PLCH1: variants seen among roughly 807,000 people sequenced by gnomAD.
PLCH1 encodes phospholipase C eta 1, also known as 1-phosphatidylinositol 4,5-bisphosphate phosphodiesterase eta-1.
In PLCH1, 60 loss-of-function variants were observed where a neutral mutation model predicts 126.7. That is an observed-to-expected ratio of 0.47 (90% CI 0.38 to 0.59). The LOEUF (loss-of-function observed/expected upper bound fraction) is 0.59. Among genes scored for constraint, PLCH1 ranks in the 20% least tolerant of loss-of-function variants. The pLI is 0.00. For missense variants in PLCH1, 1,723 were observed against 2,040.0 expected (o/e 0.84, Z 2.99); for synonymous variants, 719 against 734.9 (o/e 0.98, Z 0.35).
chr3:155,596,188 G>T, intron 3 of PLCH1, 44 bp downstream of exon 3: 1 of 1,512,098 alleles, frequency 6.6e-7, no homozygotes, highest in Non-Finnish European at 9.1e-7. Flanking sequence ...TAACCCGTGT[G>T]TTACTATGTC....
At chr3:155,656,385 T>C (rs1004214834) in intron 2 of PLCH1, among the ~76,000 whole-genome samples, 5 of 152,212 alleles carry the variant, frequency 3.3e-5, no homozygotes, top group African/African-American at 1.2e-4. Flanking sequence ...CTCAAAACTA[T>C]ATACAACCCT....
intron 1 of PLCH1, among the ~76,000 whole-genome samples, chr3:155,710,418 A>C (rs1747016149): frequency 6.6e-6 from 1 of 152,228 alleles, no homozygotes; most frequent in South Asian, 2.1e-4. Context: ...AAAATTTTTA[A>C]TTTTAATAAA....
intron 11 of PLCH1, among the ~76,000 whole-genome samples, chr3:155,519,369 C>G (rs1251142752): frequency 6.6e-6 from 1 of 152,130 alleles, no homozygotes; most frequent in Non-Finnish European, 1.5e-5. Flanking sequence ...GTTCTCAATT[C>G]CCTTTTTTGA....
At chr3:155,526,370 GCTCTCT>G (rs576894112) in intron 10 of PLCH1, among the ~76,000 whole-genome samples, 4 of 147,396 alleles carry the variant, frequency 2.7e-5, no homozygotes, top group East Asian at 3.9e-4. Flanking sequence ...CTTTCCTGGA[GCTCTCT>G]CTCTCTCTCT....
intron 2 of PLCH1, among the ~76,000 whole-genome samples, chr3:155,633,390 T>TTTCAGCA (rs535514984): frequency 2.6e-5 from 4 of 151,148 alleles, no homozygotes; most frequent in Non-Finnish European, 5.9e-5. Context: ...TCACTGTTTC[T>TTTCAGCA]TTCAGCACTT....
chr3:155,707,552 G>C (rs1486391966), intron 1 of PLCH1, among the ~76,000 whole-genome samples: 7 of 152,104 alleles, frequency 4.6e-5, no homozygotes, highest in Admixed American at 3.9e-4. Context: ...AGCCAGGCGT[G>C]GGGGTGGGCG....
intron 22 of PLCH1, among the ~76,000 whole-genome samples, chr3:155,484,995 T>C (rs182241910): frequency 6.6e-6 from 1 of 152,356 alleles, no homozygotes; most frequent in African/African-American, 2.4e-5. Context: ...GTAAGAAAAG[T>C]AATACAACTA....
chr3:155,732,516 C>G (rs1194413676), intron 1 of PLCH1, among the ~76,000 whole-genome samples: 1 of 147,556 alleles, frequency 6.8e-6, no homozygotes, highest in African/African-American at 2.5e-5. Context: ...GAAACCCAGT[C>G]TGGAAAAAAA....
intron 1 of PLCH1, chr3:155,742,295 C>T (rs905825818): frequency 2.6e-5 from 4 of 152,112 alleles, no homozygotes; most frequent in African/African-American, 9.7e-5. Flanking sequence ...ACAAGGAGCA[C>T]TTTTATCATA....
chr3:155,518,100 G>A (rs530297148), intron 11 of PLCH1, among the ~76,000 whole-genome samples: 1 of 152,194 alleles, frequency 6.6e-6, no homozygotes, highest in African/African-American at 2.4e-5. Context: ...CATCCCACGT[G>A]GGGTGGAGTA....
rs147355479 is a variant in PLCH1, at chr3:155,593,047, G to T, written c.470+894C>A. On this transcript the variant is annotated intron_variant, in intron 4 of 22. Coordinates refer to ENST00000460012, the MANE Select transcript of PLCH1 (RefSeq NM_014996.4). ...CTCTGGGTGAAGGATTATAGCCAGA[G>T]CAGCACAAATATATCACCAACCCCT... Among the ~76,000 whole-genome samples, 792 of 152,208 alleles carry T rather than the reference G, an allele frequency of 5.2e-3. 8 individuals are homozygous for T. Among genetic ancestry groups the T allele is most frequent in the African/African-American group, 0.018 (745 of 41,526 alleles).
chr3:155,659,771 T>A (rs147780829), intron 2 of PLCH1, among the ~76,000 whole-genome samples: 1 of 152,106 alleles, frequency 6.6e-6, no homozygotes, highest in East Asian at 1.9e-4. Flanking sequence ...AGGACTGGGA[T>A]TACAGGTGTG....
intron 2 of PLCH1, among the ~76,000 whole-genome samples, chr3:155,654,679 T>C (rs75796664): frequency 0.03 from 4,628 of 152,246 alleles, 204 homozygotes; most frequent in African/African-American, 0.093. Flanking sequence ...CCACTTCTCA[T>C]AACTTCCCCA....
intron 2 of PLCH1, among the ~76,000 whole-genome samples, chr3:155,612,144 T>A (rs1429384842): frequency 6.6e-6 from 1 of 151,718 alleles, no homozygotes; most frequent in Non-Finnish European, 1.5e-5. Flanking sequence ...TGGTGAAACT[T>A]CGTCTCTACT....
rs562634828 is a variant in PLCH1, at chr3:155,582,962, G to A, written c.771+510C>T. On this transcript the variant is annotated intron_variant, in intron 6 of 22. Transcript: ENST00000460012. ...CCTAATTTACTTAGCCTTTTCACAT[G>A]ATCAAATGGCAATTTACTATCAGAA... Among the ~76,000 whole-genome samples the A allele has an allele frequency of 7.1e-4, 108 of 151,828 alleles. 1 individual carries two copies. The highest frequency in any genetic ancestry group is 2.4e-3 in the African/African-American group (98 of 41,446).
chr3:155,724,676 T>G (rs1409150587), intron 1 of PLCH1, among the ~76,000 whole-genome samples: 1 of 152,158 alleles, frequency 6.6e-6, no homozygotes, highest in Non-Finnish European at 1.5e-5. Flanking sequence ...GATAGTTAGT[T>G]TGTGAATTCT....
chr3:155,543,208 T>G lies in PLCH1; in HGVS notation c.1362+6579A>C, dbSNP rs867646746. ...AAGTACTTAAAGGAGCCGATGGAGCTGAAAGCCAAGGCTCAAGAACTACAT... is the reference window on the plus strand; with the variant it reads ...AAGTACTTAAAGGAGCCGATGGAGCGGAAAGCCAAGGCTCAAGAACTACAT... On this transcript the variant is annotated intron_variant, in intron 10 of 22. Coordinates refer to ENST00000460012, the MANE Select transcript of PLCH1 (RefSeq NM_014996.4). 7.9e-4 allele frequency among the ~76,000 whole-genome samples: 120 copies of G among 152,180 alleles called. 3 individuals carry two copies. The highest frequency in any genetic ancestry group is 2.8e-3 in the African/African-American group (117 of 41,516).
At chr3:155,451,450 A>T (rs1466297324) in intron 21 of PLCH1, among the ~76,000 whole-genome samples, 1 of 152,172 alleles carries the variant, frequency 6.6e-6, no homozygotes, top group Non-Finnish European at 1.5e-5. Context: ...ATGTGTTTAG[A>T]AGGTGTGATG....
chr3:155,736,690 A>G (rs1749200054), intron 1 of PLCH1, among the ~76,000 whole-genome samples: 1 of 152,230 alleles, frequency 6.6e-6, no homozygotes, highest in Admixed American at 6.5e-5. Flanking sequence ...AGAAGACCTT[A>G]GAGAACACTA....
Sources: allele counts gnomAD v4.1 joint callset (sites outside exome capture counted in the v4.1 genomes callset), GRCh38; gene constraint gnomAD v4.1.1; transcripts MANE v1.5; gene names NCBI Gene and HGNC (gene_info 2026-07-23, HGNC 2026-07-21).